Variants in FN1 observed in about 807,000 individuals in gnomAD.
The protein encoded by FN1 is fibronectin 1.
A neutral mutation model predicts 297.3 loss-of-function variants in FN1; 106 were observed. The observed-to-expected ratio is 0.36, with a 90% CI of 0.30 to 0.42. The LOEUF (loss-of-function observed/expected upper bound fraction) is 0.42. Ranked by LOEUF, FN1 falls within the 10% of genes least tolerant of loss-of-function variation. FN1 has a pLI of 1.00. For synonymous variants in FN1, 1,149 were observed against 1,152.6 expected, an observed-to-expected ratio of 1.00 and a Z score of 0.06; for missense variants, 2,690 against 3,124.9, an observed-to-expected ratio of 0.86 and a Z score of 3.32.
In FN1 at chr2:215,419,260, G is replaced by C; in HGVS notation, c.1801C>G (p.Pro601Ala). Residue 601 changes from proline to alanine, a missense_variant, in exon 12 of 46, where the codon CCT (proline) becomes GCT (alanine). Coordinates refer to ENST00000354785, the MANE Select transcript of FN1 (RefSeq NM_212482.4). ...TACTTACTTGGATAGGTCTGTAAAG[G>C]TTGGCAATGCCACTCCCCAATGCCA... Reference protein sequence around the residue: ...GRGIGEWHCQPLQTYPSSSGP... With the variant: ...GRGIGEWHCQALQTYPSSSGP... 6 of 1,613,992 alleles carry C rather than the reference G, an allele frequency of 3.7e-6. No homozygotes were observed. The highest frequency in any genetic ancestry group is 5.1e-6 in the Non-Finnish European group (6 of 1,179,922).
chr2:215,413,421 ATTTGGG>A (rs1467334767), intron 13 of FN1, among the ~76,000 whole-genome samples: 1 of 152,144 alleles, frequency 6.6e-6, no homozygotes, highest in Non-Finnish European at 1.5e-5. Context: ...ACCCAGCCAC[ATTTGGG>A]TTTATTATAC....
intron 40 of FN1, among the ~76,000 whole-genome samples, chr2:215,371,673 CTTTT>C (rs11358448): frequency 2.3e-4 from 25 of 108,994 alleles, no homozygotes; most frequent in Non-Finnish European, 3.3e-4. Context: ...AGTGGAGCCA[CTTTT>C]TTTTTTTTTT....
At chr2:215,365,445 GC>G in intron 43 of FN1, 59 bp downstream of exon 43, 1 of 1,550,060 alleles carries the variant, frequency 6.5e-7, no homozygotes, top group Non-Finnish European at 8.9e-7. Flanking sequence ...GAGAGTTACA[GC>G]CTGATAATGA....
chr2:215,361,723 T>TATAG (rs2053485611), intron 45 of FN1, 97 bp from the exon 46 acceptor site: 2 of 1,050,736 alleles, frequency 1.9e-6, no homozygotes, highest in East Asian at 2.4e-5. Flanking sequence ...GACAGCTGCT[T>TATAG]ATAGATAGGA....
At chr2:215,396,141 T>C (rs1196751370) in intron 23 of FN1, among the ~76,000 whole-genome samples, 1 of 152,210 alleles carries the variant, frequency 6.6e-6, no homozygotes, top group African/African-American at 2.4e-5. Flanking sequence ...ATACTTTTTT[T>C]TAAACAAAAA....
At chr2:215,390,118 C>T (rs1240106203) in intron 26 of FN1, among the ~76,000 whole-genome samples, 5 of 152,208 alleles carry the variant, frequency 3.3e-5, no homozygotes, top group Non-Finnish European at 7.3e-5. Context: ...GATTCCATTT[C>T]CACCATACTA....
intron 44 of FN1, chr2:215,364,449 C>G: frequency 3.7e-6 from 1 of 270,586 alleles, no homozygotes; most frequent in Non-Finnish European, 7.2e-6. Flanking sequence ...CTCAGGCTGC[C>G]CAGGATGGGG....
intron 36 of FN1, among the ~76,000 whole-genome samples, chr2:215,376,196 T>C (rs984543839): frequency 2.0e-5 from 3 of 152,348 alleles, no homozygotes; most frequent in Admixed American, 6.5e-5. Flanking sequence ...CATCACTGTT[T>C]TTTATTTCTT....
At chr2:215,396,113 AAAGAT>A (rs1298930892) in intron 23 of FN1, among the ~76,000 whole-genome samples, 2 of 152,270 alleles carry the variant, frequency 1.3e-5, no homozygotes, top group Non-Finnish European at 2.9e-5. Context: ...GTGCCCCGGC[AAAGAT>A]AAGAACTATA....
In FN1 at chr2:215,404,310, T is replaced by G. The variant is rs72943909; in HGVS notation, c.3253+79A>C. On this transcript the variant is annotated intron_variant, in intron 20 of 45. Transcript: ENST00000354785. Reference sequence around the variant, plus strand: ...ACTAATTTTTTAATGTTTTTTTTGTTTTGTTTTGTTTTGTTTTAAAGCATG... The same window carrying G: ...ACTAATTTTTTAATGTTTTTTTTGTGTTGTTTTGTTTTGTTTTAAAGCATG... 0.26 allele frequency: 351,410 copies of G among 1,340,642 alleles called. 51,326 individuals carry two copies. Among genetic ancestry groups the G allele is most frequent in the East Asian group, 0.82 (33,352 of 40,874 alleles). The allele number at this position is 1,340,642 out of a possible 1,614,324, so 83.0% of individuals were successfully genotyped here. A position where few individuals can be genotyped will look rare whatever the true frequency, so the allele number is the denominator to read the frequency against.
intron 39 of FN1, among the ~76,000 whole-genome samples, chr2:215,372,637 G>A (rs2056459734): frequency 6.6e-6 from 1 of 152,188 alleles, no homozygotes; most frequent in East Asian, 1.9e-4. Flanking sequence ...GCTGAGCCCC[G>A]TAGAAGCTGC....
At chr2:215,414,721 A>G (rs193292208) in intron 13 of FN1, 116 bp downstream of exon 13, 11 of 1,515,264 alleles carry the variant, frequency 7.3e-6, no homozygotes, top group Non-Finnish European at 8.9e-7. Context: ...AATATAGTAA[A>G]TGCTATAGGA....
In FN1 at chr2:215,409,999, T is replaced by G. The variant is rs1455294685; in HGVS notation, c.2057A>C (p.Gln686Pro). Reference sequence around the variant, plus strand: ...GCGAGTCACTTCTTGGTGGCCGTACTGCTGGATGCTGATGAGCTGGCCCTC... The same window carrying G: ...GCGAGTCACTTCTTGGTGGCCGTACGGCTGGATGCTGATGAGCTGGCCCTC... ...VYEGQLISIQQYGHQEVTRFD... is the reference protein window; with the variant it reads ...VYEGQLISIQPYGHQEVTRFD... The change falls in exon 14 of 46, where the codon CAG becomes CCG. Residue 686 changes from glutamine (Q) to proline (P), a missense_variant. Around this residue, in one of 3 missense-constraint regions of FN1, gnomAD observed 876 missense variants for 1,058.1 expected, o/e 0.83. Transcript: ENST00000354785. 6.2e-7 allele frequency: 1 copy of G among 1,614,054 alleles called. No homozygotes were observed. The highest frequency in any genetic ancestry group is 2.2e-5 in the East Asian group (1 of 44,868).
chr2:215,370,276 T>G lies in FN1; in HGVS notation c.6853+18A>C, dbSNP rs758735728. ...CAGCAGAGGGGAGCCTGTGTCTAAA[T>G]AGTACGTGTTTACATACCAGAGTTG... On this transcript the variant is annotated intron_variant, in intron 41 of 45. Transcript: ENST00000354785. 19 of 1,613,464 alleles carry G rather than the reference T, an allele frequency of 1.2e-5. No individual in the cohort carries two copies. Among genetic ancestry groups the G allele is most frequent in the Non-Finnish European group, 1.6e-5 (19 of 1,179,588 alleles).
At position 215,426,380 on chromosome 2, in the gene FN1, C is replaced by T. The variant is rs997916585; in HGVS notation, c.845-1095G>A. 2.0e-5 allele frequency among the ~76,000 whole-genome samples: 3 copies of T among 151,868 alleles called. No homozygotes were observed. The South Asian group carries it at 6.3e-4, about 32-fold the overall frequency. ...AGCCAGGATGGTCTCGATCTCCTGA[C>T]CTTGTGATCCACCCGCCTTGGCCTC... On this transcript the variant is annotated intron_variant, in intron 6 of 45. Transcript: ENST00000354785.
At chr2:215,363,816 A>T (rs901185185) in intron 44 of FN1, among the ~76,000 whole-genome samples, 2 of 152,176 alleles carry the variant, frequency 1.3e-5, no homozygotes, top group African/African-American at 4.8e-5. Flanking sequence ...AGAAAGGCTT[A>T]TTATTTTTTG....
intron 34 of FN1, among the ~76,000 whole-genome samples, chr2:215,378,866 C>T (rs982164707): frequency 5.9e-5 from 9 of 152,032 alleles, no homozygotes; most frequent in Non-Finnish European, 2.9e-5. Context: ...TGTAAATTGC[C>T]CCCCACAACC....
At chr2:215,373,048 T>A (rs1053040775) in intron 39 of FN1, among the ~76,000 whole-genome samples, 2 of 152,168 alleles carry the variant, frequency 1.3e-5, no homozygotes, top group African/African-American at 4.8e-5. Flanking sequence ...TAGCTCTTCT[T>A]TTACATTTTA....
At position 215,381,090 on chromosome 2, in the gene FN1, A is replaced by T. The variant is rs1338100576; in HGVS notation, c.5165-10T>A. The T allele has an allele frequency of 1.9e-6, 3 of 1,613,742 alleles. No homozygotes were observed. The highest frequency in any genetic ancestry group is 2.5e-6 in the Non-Finnish European group (3 of 1,179,706). On this transcript the variant is annotated splice_polypyrimidine_tract_variant and intron_variant, in intron 32 of 45. Transcript: ENST00000354785. ...TTAGGGCGATCAATGTCTGTTAGGCAAATTAATGGTAAGAGGTTATGTGAA... is the reference window on the plus strand; with the variant it reads ...TTAGGGCGATCAATGTCTGTTAGGCTAATTAATGGTAAGAGGTTATGTGAA...
Sources: allele counts gnomAD v4.1 joint callset (sites outside exome capture counted in the v4.1 genomes callset), GRCh38; gene constraint gnomAD v4.1.1; regional missense constraint gnomAD v4.1.1; transcripts MANE v1.5; gene names NCBI Gene and HGNC (gene_info 2026-07-23, HGNC 2026-07-21).